The following CLK4 variants were observed in gnomAD, a reference collection of about 807,000 sequenced individuals.
CLK4 encodes the protein dual specificity protein kinase CLK4.
In CLK4, 37 loss-of-function variants were observed where a neutral mutation model predicts 64.4. The ratio of observed to expected loss-of-function variants is 0.57; its 90% CI spans 0.44 to 0.76. The LOEUF is 0.76. Ranked by LOEUF, CLK4 falls within the 30% of genes least tolerant of loss-of-function variation. The probability of loss-of-function intolerance (pLI) is 0.00; values close to 1 mark genes in which losing one functional copy is unlikely to be tolerated. For missense variants in CLK4, 457 were observed against 605.1 expected, an observed-to-expected ratio of 0.76 and a Z score of 2.57; for synonymous variants, 175 against 191.6, an observed-to-expected ratio of 0.91 and a Z score of 0.72.
Position 178,619,832 on chromosome 5 carries a change from C to T in CLK4, c.162-1054G>A, listed in dbSNP as rs541824753. 31 of 1,283,836 alleles carry T rather than the reference C, an allele frequency of 2.4e-5. No homozygotes were observed. In the South Asian group the frequency reaches 3.5e-4, roughly 14 times the overall value. The allele number at this position is 1,283,836 out of a possible 1,614,324, so 79.5% of individuals were successfully genotyped here. A position where few individuals can be genotyped will look rare whatever the true frequency, so the allele number is the denominator to read the frequency against. ...AATTGGCCCAGTTTCCCGTCCCCCT[C>T]TCTACCTGGGATGAGTGTCCTCTTC... On this transcript the variant is annotated intron_variant, in intron 2 of 12. Coordinates refer to ENST00000316308, the MANE Select transcript of CLK4 (RefSeq NM_020666.3).
chr5:178,623,071 AG>A, intron 2 of CLK4, 184 bp downstream of exon 2: 1 of 581,370 alleles, frequency 1.7e-6, no homozygotes. Flanking sequence ...CATAAGGATA[AG>A]AACTTTGTTT....
At chr5:178,613,942 C>A in intron 5 of CLK4, 99 bp from the exon 6 acceptor site, 1 of 770,894 alleles carries the variant, frequency 1.3e-6, no homozygotes, top group Non-Finnish European at 2.2e-6. Context: ...TTCCTCTATG[C>A]CATTTAAAAT....
Position 178,603,939 on chromosome 5 carries a change from A to AT in CLK4, c.1215-6_1215-5insA. The AT allele has an allele frequency of 3.8e-6, 6 of 1,584,112 alleles. No individual in the cohort carries two copies. Among genetic ancestry groups the AT allele is most frequent in the African/African-American group, 1.4e-5 (1 of 73,084 alleles). On this transcript the variant is annotated splice_region_variant and splice_polypyrimidine_tract_variant and intron_variant, in intron 11 of 12. Coordinates refer to ENST00000316308, the MANE Select transcript of CLK4 (RefSeq NM_020666.3). ...TGGTGAAAATACTTGCGTTTTCTAC[A>AT]GAAAAAAAAAAAAAGTCTGGATTAG...
At position 178,612,825 on chromosome 5, in the gene CLK4, C is replaced by CA; in HGVS notation, c.891dup (p.Asp298Ter). 1 of 1,575,794 alleles carries CA rather than the reference C, an allele frequency of 6.3e-7. No individual in the cohort carries two copies. Among genetic ancestry groups the CA allele is most frequent in the Non-Finnish European group, 8.7e-7 (1 of 1,147,254 alleles). Reference sequence around the variant, plus strand: ...TTAGAATTATATTTGACTACATAGTCAGACTTCACAAACAAAATATTTTCA... The same window carrying CA: ...TTAGAATTATATTTGACTACATAGTCAAGACTTCACAAACAAAATATTTTCA... On this transcript the variant is annotated frameshift_variant, in exon 8 of 13. Transcript: ENST00000316308. LOFTEE classifies it high-confidence loss of function.
intron 9 of CLK4, 142 bp downstream of exon 9, chr5:178,612,274 T>C (rs1764567487): frequency 3.0e-6 from 2 of 665,806 alleles, no homozygotes; most frequent in Admixed American, 2.8e-5. Flanking sequence ...TTTATAGCAA[T>C]GTCCACACAT....
At chr5:178,626,372 A>G (rs1393159519) in intron 1 of CLK4, among the ~76,000 whole-genome samples, 2 of 152,236 alleles carry the variant, frequency 1.3e-5, no homozygotes, top group African/African-American at 2.4e-5. Flanking sequence ...ACAGAGGACT[A>G]GCCTCCGCAA....
chr5:178,625,900 C>A (rs1284586980), intron 1 of CLK4, among the ~76,000 whole-genome samples: 1 of 152,200 alleles, frequency 6.6e-6, no homozygotes, highest in Non-Finnish European at 1.5e-5. Context: ...CCACGTTCTA[C>A]GTGGTAAGGT....
Position 178,613,660 on chromosome 5 carries a change from A to G in CLK4, c.660-21T>C, listed in dbSNP as rs1192874786. 6.8e-6 allele frequency: 11 copies of G among 1,606,612 alleles called. 1 individual carries two copies. The highest frequency in any genetic ancestry group is 3.4e-5 in the Admixed American group (2 of 58,724). ...ATCGGCTAAAACAGAGCAAAATAATAATTCAGTTTATGGAAACCTGAATAT... is the reference window on the plus strand; with the variant it reads ...ATCGGCTAAAACAGAGCAAAATAATGATTCAGTTTATGGAAACCTGAATAT... On this transcript the variant is annotated intron_variant, in intron 6 of 12. Coordinates refer to ENST00000316308, the MANE Select transcript of CLK4 (RefSeq NM_020666.3).
At chr5:178,626,284 T>C (rs1054815741) in intron 1 of CLK4, among the ~76,000 whole-genome samples, 1 of 152,174 alleles carries the variant, frequency 6.6e-6, no homozygotes, top group Admixed American at 6.5e-5. Context: ...ATCTGGACTA[T>C]TTAGGCAACC....
intron 11 of CLK4, 40 bp from the exon 12 acceptor site, chr5:178,603,974 A>G (rs757585580): frequency 1.4e-6 from 2 of 1,480,812 alleles, no homozygotes; most frequent in Non-Finnish European, 1.9e-6. Context: ...GTAAAATAAC[A>G]AGAGTCGTAT....
At position 178,612,877 on chromosome 5, in the gene CLK4, A is replaced by C; in HGVS notation, c.840T>G (p.Asn280Lys). The change falls in exon 8 of 13, where the codon AAT becomes AAG. Residue 280 changes from asparagine to lysine, a missense_variant. Coordinates refer to ENST00000316308, the MANE Select transcript of CLK4 (RefSeq NM_020666.3). ...GCTTCAGATCTGTATGGGTTAATTT[A>C]TTATGATGTAAAACTACAAGAGAAC... ...ICQSINFLHH[N>K]KLTHTDLKPE... is the part of the protein sequence containing the mutation. The C allele has an allele frequency of 6.5e-7, 1 of 1,529,704 alleles. No individual in the cohort carries two copies. Among genetic ancestry groups the C allele is most frequent in the Non-Finnish European group, 9.0e-7 (1 of 1,110,042 alleles). 94.8% of individuals were successfully genotyped at this position (1,529,704 alleles called of 1,614,324 possible).
In CLK4 at chr5:178,606,670, T is replaced by C. The variant is rs187840139; in HGVS notation, c.1135-1288A>G. Among the ~76,000 whole-genome samples the C allele has an allele frequency of 2.7e-3, 411 of 152,214 alleles. 1 individual carries two copies. The highest frequency in any genetic ancestry group is 4.4e-3 in the Non-Finnish European group (302 of 67,990). ...TTGCATCACCTAAAGCTTTCAAGAATTTAAATTTCAGGCTGGGTGCGGTGG... is the reference window on the plus strand; with the variant it reads ...TTGCATCACCTAAAGCTTTCAAGAACTTAAATTTCAGGCTGGGTGCGGTGG... On this transcript the variant is annotated intron_variant, in intron 10 of 12. Transcript: ENST00000316308.
rs372238089 is a variant in CLK4 at position 178,603,763 on chromosome 5, G to A, written c.1306-6C>T. On this transcript the variant is annotated splice_polypyrimidine_tract_variant and splice_region_variant and intron_variant, in intron 12 of 12. Transcript: ENST00000316308. ...TCATGACAAAGCATAAATTCCTGGG[G>A]GAGAAATGTTTTTGTTTTAAAAAAA... 3 of 1,580,642 alleles carry A rather than the reference G, an allele frequency of 1.9e-6. No individual in the cohort carries two copies. Among genetic ancestry groups the A allele is most frequent in the African/African-American group, 2.7e-5 (2 of 72,834 alleles).
intron 1 of CLK4, among the ~76,000 whole-genome samples, chr5:178,626,578 C>T (rs1764783041): frequency 6.6e-6 from 1 of 152,252 alleles, no homozygotes; most frequent in Admixed American, 6.5e-5. Context: ...ACTTGATCTC[C>T]GACAACACGA....
Position 178,612,530 on chromosome 5 carries a change from T to A in CLK4, c.937A>T (p.Thr313Ser). The change falls in exon 9 of 13, where the codon ACA becomes TCA. Residue 313 changes from threonine to serine, a missense_variant. Physicochemically the swap from Thr to Ser is moderately conservative, Grantham distance 58 (BLOSUM62 1). Transcript: ENST00000316308. ...ACTTTGATATCTGTGTTTTTCAGTG[T>A]GCGTTCATCACGTTTCTAGAGAGAC... ...YNSKMKRDERTLKNTDIKVVD... is the reference protein window; with the variant it reads ...YNSKMKRDERSLKNTDIKVVD... The A allele has an allele frequency of 1.9e-6, 3 of 1,614,096 alleles. No homozygotes were observed. The highest frequency in any genetic ancestry group is 2.5e-6 in the Non-Finnish European group (3 of 1,179,960).
rs1239040735 is a variant in CLK4, at chr5:178,613,484, T to C, written c.815A>G (p.Gln272Arg). 6.4e-7 allele frequency: 1 copy of C among 1,552,148 alleles called. No individual in the cohort carries two copies. The highest frequency in any genetic ancestry group is 1.4e-5 in the African/African-American group (1 of 72,320). Reference sequence around the variant, plus strand: ...TCAAGTGTACTTACAATTTATTGACTGGCAGATCTGATACGCCATCTGCCT... The same window carrying C: ...TCAAGTGTACTTACAATTTATTGACCGGCAGATCTGATACGCCATCTGCCT... ...HIRQMAYQIC[Q>R]SINFLHHNKL... is the part of the protein sequence containing the mutation. Residue 272 changes from glutamine (Q) to arginine (R), a missense_variant, in exon 7 of 13, where the codon CAG becomes CGG. Coordinates refer to ENST00000316308, the MANE Select transcript of CLK4 (RefSeq NM_020666.3).
chr5:178,626,239 T>C (rs1255198376), intron 1 of CLK4, among the ~76,000 whole-genome samples: 1 of 152,154 alleles, frequency 6.6e-6, no homozygotes, highest in African/African-American at 2.4e-5. Context: ...GCGAGTTCAG[T>C]TTGCGGGGCG....
In CLK4 at chr5:178,619,983, T is replaced by C. The variant is rs552437627; in HGVS notation, c.162-1205A>G. 2.6e-4 allele frequency: 114 copies of C among 439,004 alleles called. 1 individual carries two copies. The highest frequency in any genetic ancestry group is 1.5e-3 in the African/African-American group (77 of 49,896). 27.2% of individuals were successfully genotyped at this position (439,004 alleles called of 1,614,324 possible). A position where few individuals can be genotyped will look rare whatever the true frequency, so the allele number is the denominator to read the frequency against. ...AATGGAGTGACGGATGTTGACTAGATTGCCCTCACCAACCCCTTTCCTTTC... is the reference window on the plus strand; with the variant it reads ...AATGGAGTGACGGATGTTGACTAGACTGCCCTCACCAACCCCTTTCCTTTC... On this transcript the variant is annotated intron_variant, in intron 2 of 12. Transcript: ENST00000316308.
chr5:178,618,923 T>A, intron 2 of CLK4, 145 bp from the exon 3 acceptor site: 1 of 626,436 alleles, frequency 1.6e-6, no homozygotes, highest in Non-Finnish European at 2.7e-6. Context: ...TATATTTATC[T>A]CATAAAGCTT....
Sources: gnomAD v4.1 joint callset for allele counts (sites outside exome capture counted in the v4.1 genomes callset) on GRCh38, gnomAD v4.1.1 for gene constraint, MANE v1.5 for transcripts, NCBI Gene and HGNC (gene_info 2026-07-23, HGNC 2026-07-21) for gene names.